Variants in DPP10 observed in about 807,000 individuals in gnomAD.
DPP10 encodes dipeptidyl peptidase like 10.
DPP10 carries 33 observed loss-of-function variants against 120.9 expected under a neutral mutation model. That is an observed-to-expected ratio of 0.27 (90% CI 0.21 to 0.37). The LOEUF is 0.37. Ranked by LOEUF, DPP10 falls within the 10% of genes least tolerant of loss-of-function variation. The probability of loss-of-function intolerance (pLI) is 1.00; values close to 1 mark genes in which losing one functional copy is unlikely to be tolerated. For missense variants in DPP10, 816 were observed against 942.8 expected (o/e 0.87, Z 1.76); for synonymous variants, 337 against 326.1 (o/e 1.03, Z -0.36).
chr2:114,961,221 A>T (rs1698601595), intron 1 of DPP10, among the ~76,000 whole-genome samples: 1 of 151,586 alleles, frequency 6.6e-6, no homozygotes, highest in Admixed American at 6.6e-5. Flanking sequence ...TGCTCAGCTA[A>T]TTTTGTATTT....
rs962600367 is a variant in DPP10, at chr2:115,843,029, A to C, written c.*684A>C. 2.0e-5 allele frequency: 3 copies of C among 152,620 alleles called. No homozygotes were observed. The highest frequency in any genetic ancestry group is 2.9e-5 in the Non-Finnish European group (2 of 68,038). The allele number at this position is 152,620 out of a possible 1,614,324, so 9.5% of individuals were successfully genotyped here. A position where few individuals can be genotyped will look rare whatever the true frequency, so the allele number is the denominator to read the frequency against. ...ACAAGTGTGCATATACAGTTAATGA[A>C]ACTATCTTTAAATGTTATTCATGCT... is the stretch of plus-strand genomic sequence containing the variant. On this transcript the variant is annotated 3_prime_UTR_variant, in exon 26 of 26. Transcript: ENST00000410059.
intron 1 of DPP10, among the ~76,000 whole-genome samples, chr2:114,740,672 G>T (rs1677959007): frequency 6.6e-6 from 1 of 152,110 alleles, no homozygotes. Flanking sequence ...TAAGCCAGAT[G>T]CATTTCAAGT....
intron 1 of DPP10, among the ~76,000 whole-genome samples, chr2:114,516,064 A>G (rs954332269): frequency 6.6e-6 from 1 of 152,124 alleles, no homozygotes; most frequent in Non-Finnish European, 1.5e-5. Context: ...CCACCCTCCT[A>G]AGTCTCTGAT....
At chr2:115,210,064 A>G (rs940968086) in intron 1 of DPP10, among the ~76,000 whole-genome samples, 3 of 152,138 alleles carry the variant, frequency 2.0e-5, no homozygotes, top group Non-Finnish European at 2.9e-5. Flanking sequence ...GTACATGTAC[A>G]CAACGTACAG....
rs1422853349 is a variant in DPP10, at chr2:115,286,536, TATATAA to T, written c.61-22701_61-22696del. Among the ~76,000 whole-genome samples the T allele has an allele frequency of 2.5e-3, 290 of 116,646 alleles. 14 individuals carry two copies. Among genetic ancestry groups the T allele is most frequent in the Middle Eastern group, 7.9e-3 (2 of 254 alleles). The allele number at this position is 116,646 out of a possible 152,430, so 76.5% of individuals were successfully genotyped here. A position where few individuals can be genotyped will look rare whatever the true frequency, so the allele number is the denominator to read the frequency against. On this transcript the variant is annotated intron_variant, in intron 1 of 25. Coordinates refer to ENST00000410059, the MANE Select transcript of DPP10 (RefSeq NM_020868.6). ...ATAATATATATATATAATATATATA[TATATAA>T]AATATATACAGAAGGCTGAGAATCA...
intron 8 of DPP10, among the ~76,000 whole-genome samples, chr2:115,728,957 T>A (rs2092833070): frequency 6.6e-6 from 1 of 152,224 alleles, no homozygotes. Flanking sequence ...TATATGTATA[T>A]GTGTACATGT....
intron 1 of DPP10, among the ~76,000 whole-genome samples, chr2:115,148,774 C>T (rs758855850): frequency 5.9e-5 from 9 of 152,170 alleles, no homozygotes; most frequent in East Asian, 1.9e-4. Flanking sequence ...TTAACCGCTA[C>T]GCATGTCAAA....
chr2:114,931,003 G>A (rs1417058104), intron 1 of DPP10, among the ~76,000 whole-genome samples: 1 of 152,086 alleles, frequency 6.6e-6, no homozygotes, highest in Non-Finnish European at 1.5e-5. Context: ...TCAACATGAG[G>A]TTTGGAGAGG....
chr2:114,563,109 C>A (rs1160127009), intron 1 of DPP10, among the ~76,000 whole-genome samples: 2 of 152,214 alleles, frequency 1.3e-5, no homozygotes, highest in African/African-American at 4.8e-5. Flanking sequence ...CGCAGTGGCT[C>A]ACGCCTGTAA....
intron 1 of DPP10, among the ~76,000 whole-genome samples, chr2:114,898,049 G>A (rs1355659274): frequency 2.0e-5 from 3 of 152,132 alleles, no homozygotes; most frequent in East Asian, 1.9e-4. Flanking sequence ...ACATGCACAC[G>A]TATGTTTATT....
intron 1 of DPP10, among the ~76,000 whole-genome samples, chr2:114,764,632 A>G (rs1296130675): frequency 6.6e-6 from 1 of 151,872 alleles, no homozygotes; most frequent in Middle Eastern, 3.2e-3. Context: ...ATTGAAAAAA[A>G]TTATATGTAT....
intron 1 of DPP10, among the ~76,000 whole-genome samples, chr2:114,817,472 T>C (rs896137304): frequency 3.9e-5 from 6 of 152,042 alleles, no homozygotes; most frequent in African/African-American, 1.4e-4. Flanking sequence ...AGGCTAGAAG[T>C]CTTAGGGAGA....
intron 1 of DPP10, among the ~76,000 whole-genome samples, chr2:115,088,324 A>G (rs777301013): frequency 2.0e-5 from 3 of 152,208 alleles, no homozygotes; most frequent in Non-Finnish European, 4.4e-5. Context: ...AGAAATGTCT[A>G]TAGTGCTTTT....
At chr2:115,104,170 CTTTTTTT>C (rs35125894) in intron 1 of DPP10, among the ~76,000 whole-genome samples, 8 of 84,650 alleles carry the variant, frequency 9.5e-5, no homozygotes, top group South Asian at 4.8e-4. Flanking sequence ...ATACATATGT[CTTTTTTT>C]TTTTTTTTTT....
At chr2:115,430,360 T>G (rs2070858178) in intron 3 of DPP10, among the ~76,000 whole-genome samples, 1 of 152,158 alleles carries the variant, frequency 6.6e-6, no homozygotes, top group African/African-American at 2.4e-5. Context: ...GAATATGAAA[T>G]TAATCTTCAT....
chr2:115,422,246 G>C (rs887537838), intron 3 of DPP10, among the ~76,000 whole-genome samples: 1 of 152,280 alleles, frequency 6.6e-6, no homozygotes, highest in African/African-American at 2.4e-5. Context: ...TTGTTATACC[G>C]ATATTTATAG....
At position 114,942,134 on chromosome 2, in the gene DPP10, G is replaced by A. The variant is rs188941847; in HGVS notation, c.61-367105G>A. 3.5e-3 allele frequency among the ~76,000 whole-genome samples: 523 copies of A among 150,886 alleles called. 1 individual carries two copies. The highest frequency in any genetic ancestry group is 0.012 in the African/African-American group (505 of 41,146). On this transcript the variant is annotated intron_variant, in intron 1 of 25. Coordinates refer to ENST00000410059, the MANE Select transcript of DPP10 (RefSeq NM_020868.6). ...TAAAAATACAAAAAATTAGCCAGGCGCGGTGGTGGGTGCCTATAGTCCCAG... is the reference window on the plus strand; with the variant it reads ...TAAAAATACAAAAAATTAGCCAGGCACGGTGGTGGGTGCCTATAGTCCCAG...
intron 1 of DPP10, among the ~76,000 whole-genome samples, chr2:114,516,952 A>T (rs1050745933): frequency 2.0e-5 from 3 of 152,190 alleles, no homozygotes; most frequent in Non-Finnish European, 2.9e-5. Flanking sequence ...AACTTTTCTT[A>T]TGTTGAGGTT....
chr2:115,204,252 AAC>A (rs2055956867), intron 1 of DPP10, among the ~76,000 whole-genome samples: 1 of 152,162 alleles, frequency 6.6e-6, no homozygotes. Flanking sequence ...GAGATATAAA[AAC>A]ACAAGTAGCA....
Sources: allele counts gnomAD v4.1 joint callset (sites outside exome capture counted in the v4.1 genomes callset), GRCh38; gene constraint gnomAD v4.1.1; transcripts MANE v1.5; gene names NCBI Gene and HGNC (gene_info 2026-07-23, HGNC 2026-07-21).